STK32A: variants seen among roughly 807,000 people sequenced by gnomAD.
STK32A encodes the protein serine/threonine-protein kinase 32A.
In STK32A, 41 loss-of-function variants were observed where a neutral mutation model predicts 53.2. The ratio of observed to expected loss-of-function variants is 0.77; its 90% CI spans 0.60 to 1.00. The LOEUF is 1.00. STK32A is among the 50% of genes least tolerant of loss of function. The pLI, the probability that STK32A is intolerant of heterozygous loss-of-function variation, is 0.00. For synonymous variants in STK32A, 166 were observed against 162.8 expected, an observed-to-expected ratio of 1.02 and a Z score of -0.15; for missense variants, 458 against 485.8, an observed-to-expected ratio of 0.94 and a Z score of 0.54.
At chr5:147,273,051 TC>T (rs1755111259) in intron 2 of STK32A, among the ~76,000 whole-genome samples, 1 of 152,216 alleles carries the variant, frequency 6.6e-6, no homozygotes, top group African/African-American at 2.4e-5. Context: ...AAAAGGGCAT[TC>T]CTGCCTTACC....
chr5:147,263,654 TA>T (rs1333685385), intron 2 of STK32A, among the ~76,000 whole-genome samples: 3 of 152,032 alleles, frequency 2.0e-5, no homozygotes, highest in Non-Finnish European at 4.4e-5. Flanking sequence ...AAGATATATT[TA>T]AAGAAAATTT....
At chr5:147,314,533 A>C (rs1205768807) in intron 4 of STK32A, among the ~76,000 whole-genome samples, 10 of 135,294 alleles carry the variant, frequency 7.4e-5, no homozygotes, top group South Asian at 2.3e-4. Flanking sequence ...AAAACAAAAA[A>C]AAAAAAAGAA....
At position 147,373,321 on chromosome 5, in the gene STK32A, A is replaced by G. The variant is rs775927032; in HGVS notation, c.903+27A>G. On this transcript the variant is annotated intron_variant, in intron 10 of 12. Coordinates refer to ENST00000397936, the MANE Select transcript of STK32A (RefSeq NM_001112724.2). ...TGAGTCAATCCTAACAAAGCCAAATAACTCCCATTCAGTGCGCATTACCCG... is the reference window on the plus strand; with the variant it reads ...TGAGTCAATCCTAACAAAGCCAAATGACTCCCATTCAGTGCGCATTACCCG... 33 of 1,611,994 alleles carry G rather than the reference A, an allele frequency of 2.0e-5. No individual in the cohort carries two copies. The African/African-American group carries it at 3.7e-4, about 18-fold the overall frequency.
chr5:147,389,077 GAGC>G (rs1757736646), downstream of STK32A, among the ~76,000 whole-genome samples: 1 of 152,146 alleles, frequency 6.6e-6, no homozygotes, highest in African/African-American at 2.4e-5. Context: ...CTGGGATTCT[GAGC>G]TTCTGTGTTA....
intron 5 of STK32A, among the ~76,000 whole-genome samples, chr5:147,333,299 G>A (rs143587247): frequency 6.6e-6 from 1 of 152,150 alleles, no homozygotes; most frequent in African/African-American, 2.4e-5. Context: ...GTAACCCATT[G>A]CAAGTTGGGA....
intron 4 of STK32A, among the ~76,000 whole-genome samples, chr5:147,308,448 T>G (rs1753529916): frequency 6.6e-6 from 1 of 152,104 alleles, no homozygotes; most frequent in East Asian, 1.9e-4. Flanking sequence ...GTCCCATAGG[T>G]TTTCTTGGAT....
chr5:147,247,685 AG>A (rs1753815679), intron 2 of STK32A, among the ~76,000 whole-genome samples: 1 of 152,258 alleles, frequency 6.6e-6, no homozygotes, highest in Non-Finnish European at 1.5e-5. Flanking sequence ...GTAGCATAAA[AG>A]CACACTTAGA....
chr5:147,352,233 T>A (rs942306837), intron 7 of STK32A, among the ~76,000 whole-genome samples: 1 of 152,194 alleles, frequency 6.6e-6, no homozygotes, highest in African/African-American at 2.4e-5. Context: ...AAATTATTTT[T>A]AAAAATAAAT....
chr5:147,300,877 C>T (rs141306129), intron 4 of STK32A, among the ~76,000 whole-genome samples: 1 of 152,294 alleles, frequency 6.6e-6, no homozygotes, highest in Non-Finnish European at 1.5e-5. Flanking sequence ...ACTTCAAGCA[C>T]CTCACAAAGT....
chr5:147,356,649 G>T (rs1314165727), intron 7 of STK32A, among the ~76,000 whole-genome samples: 1 of 151,990 alleles, frequency 6.6e-6, no homozygotes, highest in African/African-American at 2.4e-5. Context: ...TTCTCATTTT[G>T]AAATACAGAT....
chr5:147,246,086 A>G (rs1366516497), intron 2 of STK32A, among the ~76,000 whole-genome samples: 2 of 152,340 alleles, frequency 1.3e-5, no homozygotes, highest in South Asian at 2.1e-4. Flanking sequence ...AGCAGCCTTG[A>G]GTAATGCTGT....
chr5:147,388,747 C>T (rs145272398), downstream of STK32A, among the ~76,000 whole-genome samples: 24 of 152,284 alleles, frequency 1.6e-4, no homozygotes, highest in South Asian at 1.5e-3. Flanking sequence ...ACCTGGTCAA[C>T]GTGACTCAGC....
At chr5:147,255,455 G>A (rs1336770470) in intron 2 of STK32A, among the ~76,000 whole-genome samples, 1 of 152,142 alleles carries the variant, frequency 6.6e-6, no homozygotes, top group African/African-American at 2.4e-5. Context: ...GGCTGCGAGG[G>A]AAGTAAGAAT....
chr5:147,292,717 C>T lies in STK32A; in HGVS notation c.260+13319C>T, dbSNP rs1412695959. 5.9e-5 allele frequency among the ~76,000 whole-genome samples: 9 copies of T among 152,194 alleles called. No homozygotes were observed. The South Asian group carries it at 1.0e-3, about 18-fold the overall frequency. ...AACCCTCTAAAAATACAAAATTAGC[C>T]AGACGTGGTGGCACATGCCTGTAAT... On this transcript the variant is annotated intron_variant, in intron 4 of 12. Coordinates refer to ENST00000397936, the MANE Select transcript of STK32A (RefSeq NM_001112724.2).
At position 147,384,018 on chromosome 5, in the gene STK32A, C is replaced by A; in HGVS notation, c.*35C>A. 6.3e-7 allele frequency: 1 copy of A among 1,582,694 alleles called. No homozygotes were observed. Among genetic ancestry groups the A allele is most frequent in the Non-Finnish European group, 8.6e-7 (1 of 1,169,318 alleles). On this transcript the variant is annotated 3_prime_UTR_variant, in exon 13 of 13. Coordinates refer to ENST00000397936, the MANE Select transcript of STK32A (RefSeq NM_001112724.2). ...GTCTTCTTCTTGGGACAATCTCATG[C>A]CAGAAACTTCTAATTACATATGTCA... is the stretch of plus-strand genomic sequence containing the variant.
At position 147,364,457 on chromosome 5, in the gene STK32A, A is replaced by C. The variant is rs532667043; in HGVS notation, c.660+2843A>C. On this transcript the variant is annotated intron_variant, in intron 8 of 12. Transcript: ENST00000397936. ...TCCACAGTCTTCCAGCTCAATAACT[A>C]GTTCCAAAGTCACTTCCACATTTTA... 3.9e-5 allele frequency among the ~76,000 whole-genome samples: 6 copies of C among 152,302 alleles called. No individual in the cohort carries two copies. The South Asian group carries it at 1.2e-3, about 32-fold the overall frequency.
intron 4 of STK32A, among the ~76,000 whole-genome samples, chr5:147,310,308 G>A (rs1027693284): frequency 6.6e-6 from 1 of 152,196 alleles, no homozygotes; most frequent in Admixed American, 6.5e-5. Flanking sequence ...TGAAGGCTGA[G>A]TAAGAATCTC....
chr5:147,301,068 G>T (rs74333151), intron 4 of STK32A, among the ~76,000 whole-genome samples: 1 of 152,206 alleles, frequency 6.6e-6, no homozygotes, highest in Non-Finnish European at 1.5e-5. Flanking sequence ...CACAGAAAGG[G>T]GTAGATGGTT....
chr5:147,298,325 G>T (rs914321253), intron 4 of STK32A, among the ~76,000 whole-genome samples: 5 of 152,108 alleles, frequency 3.3e-5, no homozygotes, highest in African/African-American at 4.8e-5. Flanking sequence ...TTTCTTTTAG[G>T]ATTTCTTTTA....
Sources: allele counts gnomAD v4.1 joint callset (sites outside exome capture counted in the v4.1 genomes callset), GRCh38; gene constraint gnomAD v4.1.1; transcripts MANE v1.5; gene names NCBI Gene and HGNC (gene_info 2026-07-23, HGNC 2026-07-21).